Variants in PXDNL observed in about 807,000 individuals in gnomAD.
PXDNL encodes peroxidasin like, also known as probable oxidoreductase PXDNL.
PXDNL carries 145 observed loss-of-function variants against 150.8 expected under a neutral mutation model. The ratio of observed to expected loss-of-function variants is 0.96; its 90% CI spans 0.84 to 1.10. PXDNL has a LOEUF of 1.10. Among genes scored for constraint, PXDNL ranks in the 50% least tolerant of loss-of-function variants. The pLI, the probability that PXDNL is intolerant of heterozygous loss-of-function variation, is 0.00. For synonymous variants in PXDNL, 757 were observed against 725.7 expected, an observed-to-expected ratio of 1.04 and a Z score of -0.69; for missense variants, 2,087 against 1,873.9, an observed-to-expected ratio of 1.11 and a Z score of -2.10.
chr8:51,553,522 A>C (rs1185774253), intron 4 of PXDNL, among the ~76,000 whole-genome samples: 1 of 152,072 alleles, frequency 6.6e-6, no homozygotes, highest in Admixed American at 6.6e-5. Context: ...CTTTTTAAAG[A>C]TGTTCTTCAT....
At chr8:51,335,337 G>A (rs1450856678) in intron 21 of PXDNL, among the ~76,000 whole-genome samples, 1 of 152,092 alleles carries the variant, frequency 6.6e-6, no homozygotes, top group East Asian at 1.9e-4. Flanking sequence ...CTACCAATGA[G>A]AGGCACTGAT....
intron 21 of PXDNL, among the ~76,000 whole-genome samples, chr8:51,323,955 A>AT (rs1563357362): frequency 2.7e-5 from 4 of 150,774 alleles, no homozygotes; most frequent in South Asian, 2.1e-4. Context: ...AAATAAAAAA[A>AT]AAAAGAATCT....
At chr8:51,785,750 C>G (rs1239709157) in intron 1 of PXDNL, among the ~76,000 whole-genome samples, 1 of 152,186 alleles carries the variant, frequency 6.6e-6, no homozygotes, top group Non-Finnish European at 1.5e-5. Context: ...TTGGGCCTCC[C>G]AATTCCCTGA....
intron 1 of PXDNL, among the ~76,000 whole-genome samples, chr8:51,760,017 A>G (rs1393901967): frequency 6.6e-6 from 1 of 152,218 alleles, no homozygotes; most frequent in Non-Finnish European, 1.5e-5. Flanking sequence ...CTCCAGGTAA[A>G]GGAAGAAACT....
chr8:51,368,052 C>T lies in PXDNL; in HGVS notation c.3901+3821G>A, dbSNP rs1368152751. 3.3e-5 allele frequency among the ~76,000 whole-genome samples: 5 copies of T among 152,080 alleles called. No homozygotes were observed. In the East Asian group the frequency reaches 5.8e-4, roughly 18 times the overall value. ...CTGAGGCAGGAGAATCATTTGAACC[C>T]GGGAGGGAGAGGTTGCAGTGAGCCA... On this transcript the variant is annotated intron_variant, in intron 19 of 22. Coordinates refer to ENST00000356297, the MANE Select transcript of PXDNL (RefSeq NM_144651.5).
intron 2 of PXDNL, among the ~76,000 whole-genome samples, chr8:51,639,038 T>C (rs889209279): frequency 6.6e-6 from 1 of 152,160 alleles, no homozygotes; most frequent in African/African-American, 2.4e-5. Flanking sequence ...GAACTCAGGA[T>C]TAAGAAACTC....
chr8:51,687,153 A>G (rs1815894689), intron 1 of PXDNL, among the ~76,000 whole-genome samples: 1 of 152,176 alleles, frequency 6.6e-6, no homozygotes, highest in South Asian at 2.1e-4. Context: ...ACTACAAAAC[A>G]AAATATATAC....
intron 2 of PXDNL, among the ~76,000 whole-genome samples, chr8:51,607,228 T>G (rs1238111398): frequency 6.6e-6 from 1 of 152,120 alleles, no homozygotes; most frequent in Non-Finnish European, 1.5e-5. Context: ...TAGAAGCACT[T>G]TCCTAAACCC....
At chr8:51,363,034 T>G (rs1200953026) in intron 19 of PXDNL, among the ~76,000 whole-genome samples, 1 of 152,158 alleles carries the variant, frequency 6.6e-6, no homozygotes, top group Non-Finnish European at 1.5e-5. Context: ...GGCAAAGTTC[T>G]CAGTTCCTAG....
Position 51,324,955 on chromosome 8 carries a change from A to G in PXDNL, c.4147-4058T>C, listed in dbSNP as rs371633302. 2.5e-3 allele frequency among the ~76,000 whole-genome samples: 380 copies of G among 152,106 alleles called. 5 individuals are homozygous for G. Among genetic ancestry groups the G allele is most frequent in the African/African-American group, 8.5e-3 (354 of 41,474 alleles). On this transcript the variant is annotated intron_variant, in intron 21 of 22. Transcript: ENST00000356297. ...GCCCAGGCTGGAGTGCAGTGGTGTG[A>G]TCTTGGCTCCCTGCAACCTCCTGCC...
At chr8:51,409,593 G>A in intron 16 of PXDNL, 32 bp from the exon 17 acceptor site, 1 of 1,517,872 alleles carries the variant, frequency 6.6e-7, no homozygotes, top group Non-Finnish European at 8.9e-7. Flanking sequence ...CCGTGAGGAG[G>A]GCGGGCCTGG....
intron 4 of PXDNL, among the ~76,000 whole-genome samples, chr8:51,549,472 T>A (rs115007723): frequency 6.6e-6 from 1 of 152,180 alleles, no homozygotes; most frequent in Non-Finnish European, 1.5e-5. Flanking sequence ...ACTGAAATTA[T>A]ATCAAGTATT....
chr8:51,444,266 A>C (rs1043551958), intron 12 of PXDNL, among the ~76,000 whole-genome samples: 12 of 152,090 alleles, frequency 7.9e-5, no homozygotes, highest in African/African-American at 2.9e-4. Context: ...TTGCACCATC[A>C]GCGCAAATTT....
intron 20 of PXDNL, among the ~76,000 whole-genome samples, chr8:51,343,897 C>T (rs1806067069): frequency 6.6e-6 from 1 of 152,170 alleles, no homozygotes; most frequent in Non-Finnish European, 1.5e-5. Context: ...AAATGGTTCT[C>T]ACTAGGACTC....
intron 1 of PXDNL, among the ~76,000 whole-genome samples, chr8:51,806,219 G>A (rs1319974513): frequency 6.6e-6 from 1 of 151,872 alleles, no homozygotes; most frequent in Non-Finnish European, 1.5e-5. Context: ...TCTGCATTCA[G>A]GCTAAAATTT....
chr8:51,584,040 T>G (rs758889924), intron 3 of PXDNL, among the ~76,000 whole-genome samples: 11 of 152,160 alleles, frequency 7.2e-5, no homozygotes, highest in Non-Finnish European at 1.5e-4. Context: ...TTTTGGAAAC[T>G]AATTTTCCCT....
chr8:51,396,347 C>A (rs550561984), intron 17 of PXDNL, among the ~76,000 whole-genome samples: 11 of 152,318 alleles, frequency 7.2e-5, no homozygotes, highest in African/African-American at 2.4e-4. Context: ...CGTGGGAAGA[C>A]CCACTGTCCC....
At chr8:51,440,096 C>A (rs987530740) in intron 12 of PXDNL, among the ~76,000 whole-genome samples, 1 of 151,474 alleles carries the variant, frequency 6.6e-6, no homozygotes, top group Non-Finnish European at 1.5e-5. Flanking sequence ...TACTACTCAG[C>A]CATAAAAGGG....
chr8:51,686,362 G>T (rs770372048), intron 1 of PXDNL, among the ~76,000 whole-genome samples: 1 of 152,186 alleles, frequency 6.6e-6, no homozygotes, highest in African/African-American at 2.4e-5. Context: ...GCCATGAGCC[G>T]GTACTTGGAG....
Sources: gnomAD v4.1 joint callset for allele counts (sites outside exome capture counted in the v4.1 genomes callset) on GRCh38, gnomAD v4.1.1 for gene constraint, MANE v1.5 for transcripts, NCBI Gene and HGNC (gene_info 2026-07-23, HGNC 2026-07-21) for gene names.